The following DNAH11 variants were observed in gnomAD, a reference collection of about 807,000 sequenced individuals.
The protein encoded by DNAH11 is dynein axonemal heavy chain 11, also known as axonemal beta dynein heavy chain 11.
Under a neutral mutation model 526.0 loss-of-function variants are expected in DNAH11, and 442 were observed. That is an observed-to-expected ratio of 0.84 (90% confidence interval 0.78 to 0.91). The LOEUF is 0.91. DNAH11 is among the 40% of genes least tolerant of loss of function. The probability of loss-of-function intolerance (pLI) is 0.00; values close to 1 mark genes in which losing one functional copy is unlikely to be tolerated. For missense variants in DNAH11, 6,989 were observed against 5,448.7 expected (o/e 1.28, Z -8.90); for synonymous variants, 2,461 against 1,935.9 (o/e 1.27, Z -7.12).
chr7:21,732,472 A>T (rs1334004878), intron 45 of DNAH11, among the ~76,000 whole-genome samples: 1 of 152,140 alleles, frequency 6.6e-6, no homozygotes, highest in Non-Finnish European at 1.5e-5. Flanking sequence ...GGGACACAAT[A>T]TTATCAGCCT....
At chr7:21,819,665 A>C (rs1346004684) in intron 65 of DNAH11, among the ~76,000 whole-genome samples, 1 of 152,202 alleles carries the variant, frequency 6.6e-6, no homozygotes, top group Non-Finnish European at 1.5e-5. Context: ...AGGTGTAAGC[A>C]ATTTGATGAC....
At position 21,681,665 on chromosome 7, in the gene DNAH11, T is replaced by A. The variant is rs757927176; in HGVS notation, c.5448T>A (p.Leu1816=). ...ATGCCAGAGACGTGGTGGCAAAACT[T>A]ATTTCTCAGAAGGCAAGTTGTTTGT... is the stretch of plus-strand genomic sequence containing the variant. ...DVHARDVVAK[L]ISQKVVSPQA... The change falls in exon 31 of 82, where the codon CTT becomes CTA. Residue 1816 remains leucine, a synonymous_variant. Transcript: ENST00000409508. 4.3e-6 allele frequency: 7 copies of A among 1,613,942 alleles called. No homozygotes were observed. The highest frequency in any genetic ancestry group is 4.2e-6 in the Non-Finnish European group (5 of 1,179,852).
chr7:21,809,998 T>C (rs905626691), intron 63 of DNAH11, among the ~76,000 whole-genome samples: 11 of 152,204 alleles, frequency 7.2e-5, no homozygotes, highest in African/African-American at 2.7e-4. Context: ...ACAGAAGTGA[T>C]AACTGAAATC....
intron 77 of DNAH11, among the ~76,000 whole-genome samples, chr7:21,894,349 G>A (rs1784431897): frequency 6.6e-6 from 1 of 152,160 alleles, no homozygotes; most frequent in Admixed American, 6.5e-5. Context: ...TGAGTAAACT[G>A]CAAACAACTG....
At chr7:21,556,011 C>T (rs142749399) in intron 2 of DNAH11, among the ~76,000 whole-genome samples, 1 of 152,120 alleles carries the variant, frequency 6.6e-6, no homozygotes. Context: ...CAGGCACACC[C>T]GAGGCAGCTA....
chr7:21,629,177 G>T (rs1438737527), intron 25 of DNAH11, among the ~76,000 whole-genome samples: 1 of 152,108 alleles, frequency 6.6e-6, no homozygotes, highest in East Asian at 1.9e-4. Context: ...GGTTGGTTAG[G>T]AGCATGTTGT....
At chr7:21,641,183 C>T (rs1259360343) in intron 28 of DNAH11, among the ~76,000 whole-genome samples, 2 of 152,304 alleles carry the variant, frequency 1.3e-5, no homozygotes, top group African/African-American at 4.8e-5. Flanking sequence ...ATCAAAGATT[C>T]ACTTCTTACT....
At chr7:21,876,860 T>C (rs140734363) in intron 74 of DNAH11, among the ~76,000 whole-genome samples, 28 of 152,384 alleles carry the variant, frequency 1.8e-4, no homozygotes, top group African/African-American at 6.7e-4. Context: ...CTTAGTCACA[T>C]TGCATTACCT....
chr7:21,805,209 C>G (rs1789208423), intron 62 of DNAH11, among the ~76,000 whole-genome samples: 1 of 152,200 alleles, frequency 6.6e-6, no homozygotes, highest in African/African-American at 2.4e-5. Flanking sequence ...TCTATTTTCT[C>G]CACTTGCTCT....
chr7:21,714,257 A>AT (rs1344214366), intron 42 of DNAH11, among the ~76,000 whole-genome samples: 1 of 152,082 alleles, frequency 6.6e-6, no homozygotes, highest in African/African-American at 2.4e-5. Context: ...TCACCATTAG[A>AT]TTTTACTTTT....
At chr7:21,751,513 G>C (rs1183941982) in intron 54 of DNAH11, among the ~76,000 whole-genome samples, 1 of 152,180 alleles carries the variant, frequency 6.6e-6, no homozygotes, top group East Asian at 1.9e-4. Flanking sequence ...TAAGAATGCT[G>C]CTAGGGAAAA....
At position 21,589,323 on chromosome 7, in the gene DNAH11, A is replaced by G. The variant is rs762466335; in HGVS notation, c.2089A>G (p.Ile697Val). Residue 697 changes from isoleucine to valine, a missense_variant, in exon 12 of 82, where the codon ATC (isoleucine) becomes GTC (valine). Physicochemically the swap from Ile to Val is conservative, Grantham distance 29. Transcript: ENST00000409508. ...YNEWKSNVDE[I>V]CEFNLNQPLV... ...TGAATGGAAAAGTAATGTGGATGAA[A>G]TCTGTGAATTCAATTTGAATCAACC... The G allele has an allele frequency of 1.2e-6, 2 of 1,610,720 alleles. No individual in the cohort carries two copies. Among genetic ancestry groups the G allele is most frequent in the Middle Eastern group, 1.7e-4 (1 of 6,044 alleles).
At chr7:21,647,427 C>CTTTTTTT (rs71026810) in intron 28 of DNAH11, among the ~76,000 whole-genome samples, 27 of 121,226 alleles carry the variant, frequency 2.2e-4, no homozygotes, top group South Asian at 5.5e-4. Context: ...TTCTTTCTTT[C>CTTTTTTT]TTTTTTTTTT....
At chr7:21,569,173 A>G (rs565867898) in intron 6 of DNAH11, among the ~76,000 whole-genome samples, 1 of 152,344 alleles carries the variant, frequency 6.6e-6, no homozygotes, top group East Asian at 1.9e-4. Context: ...CATTTAGGGA[A>G]GAAGTGCTTC....
intron 2 of DNAH11, among the ~76,000 whole-genome samples, chr7:21,551,521 CA>C (rs1243943629): frequency 6.6e-6 from 1 of 152,192 alleles, no homozygotes; most frequent in African/African-American, 2.4e-5. Context: ...TCAGTATATA[CA>C]GTGTCTTCTT....
chr7:21,617,656 A>G lies in DNAH11; in HGVS notation c.4133A>G (p.Asp1378Gly), dbSNP rs1185377622. 2.5e-6 allele frequency: 4 copies of G among 1,613,732 alleles called. No individual in the cohort carries two copies. In the Middle Eastern group the frequency reaches 4.9e-4, roughly 199 times the overall value. ...CTCAACAAGGAAGTCCGCGTCTGGG[A>G]TGCTTACACGGGCCTGGAAGGCACA... is the stretch of plus-strand genomic sequence containing the variant. ...WSLNKEVRVW[D>G]AYTGLEGTVK... Residue 1378 changes from aspartate (D) to glycine (G), a missense_variant, in exon 23 of 82, where the codon GAT (aspartate) becomes GGT (glycine). Asp to Gly is a moderately conservative substitution (Grantham distance 94). Coordinates refer to ENST00000409508, the MANE Select transcript of DNAH11 (RefSeq NM_001277115.2).
At chr7:21,628,274 C>G (rs747809526) in intron 25 of DNAH11, among the ~76,000 whole-genome samples, 3 of 151,896 alleles carry the variant, frequency 2.0e-5, no homozygotes, top group Non-Finnish European at 4.4e-5. Context: ...AGTTTGAATG[C>G]CTTTTATTTC....
chr7:21,771,847 C>T (rs1787448728), intron 55 of DNAH11, among the ~76,000 whole-genome samples: 1 of 133,328 alleles, frequency 7.5e-6, no homozygotes, highest in Non-Finnish European at 1.8e-5. Flanking sequence ...CCCAACGCCC[C>T]CCACAAAAAA....
intron 61 of DNAH11, among the ~76,000 whole-genome samples, chr7:21,794,068 T>C (rs933588040): frequency 6.6e-5 from 10 of 152,360 alleles, no homozygotes; most frequent in Admixed American, 3.9e-4. Context: ...CATTTTTTAC[T>C]TCAGCAAACG....
Sources: gnomAD v4.1 joint callset for allele counts (sites outside exome capture counted in the v4.1 genomes callset) on GRCh38, gnomAD v4.1.1 for gene constraint, MANE v1.5 for transcripts, NCBI Gene and HGNC (gene_info 2026-07-23, HGNC 2026-07-21) for gene names.